The following PPP2R5C variants were observed in gnomAD, a reference collection of about 807,000 sequenced individuals.
PPP2R5C encodes the protein serine/threonine-protein phosphatase 2A 56 kDa regulatory subunit gamma isoform.
A neutral mutation model predicts 68.9 loss-of-function variants in PPP2R5C; 7 were observed. That is an observed-to-expected ratio of 0.10 (90% CI 0.06 to 0.19). The LOEUF is 0.19. Among genes scored for constraint, PPP2R5C ranks in the 10% least tolerant of loss-of-function variants. The pLI is 1.00. For synonymous variants in PPP2R5C, 210 were observed against 222.2 expected, an observed-to-expected ratio of 0.95 and a Z score of 0.49; for missense variants, 348 against 641.3, an observed-to-expected ratio of 0.54 and a Z score of 4.94.
chr14:101,865,578 C>T (rs1039035870), intron 2 of PPP2R5C, among the ~76,000 whole-genome samples: 5 of 152,166 alleles, frequency 3.3e-5, no homozygotes, highest in East Asian at 1.9e-4. Context: ...GCAGATGAAA[C>T]GGTCGGATCT....
intron 9 of PPP2R5C, among the ~76,000 whole-genome samples, chr14:101,902,112 A>G (rs941022700): frequency 2.0e-5 from 3 of 152,208 alleles, no homozygotes; most frequent in Non-Finnish European, 1.5e-5. Flanking sequence ...CACTAAGAGC[A>G]GTCATCTGGC....
intron 2 of PPP2R5C, among the ~76,000 whole-genome samples, chr14:101,863,907 A>G (rs139484087): frequency 2.0e-4 from 31 of 152,234 alleles, no homozygotes; most frequent in African/African-American, 7.0e-4. Flanking sequence ...CTCAAAAAAA[A>G]AGAAATGCAG....
intron 3 of PPP2R5C, among the ~76,000 whole-genome samples, chr14:101,799,698 C>G (rs1317436889): frequency 6.6e-6 from 1 of 152,220 alleles, no homozygotes; most frequent in Non-Finnish European, 1.5e-5. Flanking sequence ...AGGTGACAGG[C>G]TTACAGGAGA....
chr14:101,911,220 G>A (rs1404472853), intron 11 of PPP2R5C, among the ~76,000 whole-genome samples: 1 of 152,214 alleles, frequency 6.6e-6, no homozygotes, highest in African/African-American at 2.4e-5. Context: ...CTTGCAGTGA[G>A]CCAAGATCAC....
intron 10 of PPP2R5C, 131 bp from the exon 13 acceptor site, chr14:101,909,458 G>A (rs796131277): frequency 1.1e-5 from 6 of 542,526 alleles, no homozygotes; most frequent in African/African-American, 9.3e-5. Flanking sequence ...GAATGAGCAG[G>A]CCTTGCATTT....
chr14:101,887,712 T>A (rs879547080), intron 5 of PPP2R5C, among the ~76,000 whole-genome samples: 1 of 152,154 alleles, frequency 6.6e-6, no homozygotes, highest in Non-Finnish European at 1.5e-5. Context: ...ACTTCTGCCC[T>A]TTGTGTTGGT....
In PPP2R5C at chr14:101,916,117, A is replaced by G. The variant is rs2046652689; in HGVS notation, c.1327-1714A>G. Among the ~76,000 whole-genome samples the G allele has an allele frequency of 1.3e-5, 2 of 152,220 alleles. No individual in the cohort carries two copies. The highest frequency in any genetic ancestry group is 2.1e-4 in the South Asian group (1 of 4,830). On this transcript the variant is annotated intron_variant, in intron 12 of 13. Coordinates refer to ENST00000334743, the Ensembl canonical transcript of PPP2R5C. The surrounding 1 kb of genome is among the most constrained non-coding windows in gnomAD (Gnocchi z 5.5). ...GTCAGCAGATATTAAAGAGCCATAA[A>G]GGGCAAAATGGCCCAGCCCGACTTG... is the stretch of plus-strand genomic sequence containing the variant.
rs10588262 is a variant in PPP2R5C, at chr14:101,825,211, CGTGTGT to C, written c.94+15208_94+15213del. On this transcript the variant is annotated intron_variant, in intron 1 of 13. Transcript: ENST00000334743. This position sits in a 1 kb window ranked among gnomAD's most constrained non-coding sequence, Gnocchi z 4.0. ...AGGGATAGGATAAGAGGGTTTTCAG[CGTGTGT>C]GTGTGTGTGTGTGTGTGTGTGTGTG... is the stretch of plus-strand genomic sequence containing the variant. 8.9e-3 allele frequency among the ~76,000 whole-genome samples: 1,267 copies of C among 143,044 alleles called. 11 individuals carry two copies. Among genetic ancestry groups the C allele is most frequent in the East Asian group, 0.032 (155 of 4,814 alleles). The allele number at this position is 143,044 out of a possible 152,430, so 93.8% of individuals were successfully genotyped here.
intron 2 of PPP2R5C, chr14:101,765,283 G>C (rs2036793390): frequency 1.4e-6 from 1 of 702,492 alleles, no homozygotes; most frequent in Admixed American, 2.0e-5. Flanking sequence ...ACACTTGGCA[G>C]ATCACTGTGT....
intron 2 of PPP2R5C, among the ~76,000 whole-genome samples, chr14:101,784,205 C>T (rs192592059): frequency 6.6e-6 from 1 of 152,238 alleles, no homozygotes; most frequent in African/African-American, 2.4e-5. Flanking sequence ...AGTAAAGCAG[C>T]TCTTATTGCT....
intron 3 of PPP2R5C, among the ~76,000 whole-genome samples, chr14:101,793,290 G>A (rs2038447211): frequency 6.6e-6 from 1 of 152,190 alleles, no homozygotes; most frequent in African/African-American, 2.4e-5. Flanking sequence ...ACTTTTAAAT[G>A]CTTTCAATGG....
At position 101,899,207 on chromosome 14, in the gene PPP2R5C, CTG is replaced by C. The variant is rs1185786190; in HGVS notation, c.853-2508_853-2507del. Among the ~76,000 whole-genome samples, 3 of 152,226 alleles carry C rather than the reference CTG, an allele frequency of 2.0e-5. No individual in the cohort carries two copies. The highest frequency in any genetic ancestry group is 1.3e-4 in the Admixed American group (2 of 15,288). ...CATCAGAGATTTTACAGAAGTAAAA[CTG>C]TGTTCCGTTTTCACCCACCTGCCTC... On this transcript the variant is annotated intron_variant, in intron 8 of 13. Coordinates refer to ENST00000334743, the Ensembl canonical transcript of PPP2R5C. The surrounding 1 kb of genome is among the most constrained non-coding windows in gnomAD (Gnocchi z 4.2).
At chr14:101,855,586 T>G (rs1238428228) in intron 1 of PPP2R5C, among the ~76,000 whole-genome samples, 2 of 152,234 alleles carry the variant, frequency 1.3e-5, no homozygotes, top group Non-Finnish European at 2.9e-5. Flanking sequence ...TTAACACTAT[T>G]TATTCATCAT....
intron 11 of PPP2R5C, among the ~76,000 whole-genome samples, chr14:101,910,599 A>G (rs2046326558): frequency 1.3e-5 from 2 of 152,032 alleles, no homozygotes; most frequent in Non-Finnish European, 2.9e-5. Context: ...TTGGGAGGCC[A>G]AGGCGGGTGG....
intron 8 of PPP2R5C, among the ~76,000 whole-genome samples, chr14:101,895,918 G>A (rs1165817953): frequency 1.3e-5 from 2 of 152,162 alleles, no homozygotes; most frequent in East Asian, 1.9e-4. Flanking sequence ...TGACTGTCCC[G>A]TTTTACATTC....
At position 101,916,702 on chromosome 14, in the gene PPP2R5C, A is replaced by G. The variant is rs1434044470; in HGVS notation, c.1327-1129A>G. On this transcript the variant is annotated intron_variant, in intron 12 of 13. Coordinates refer to ENST00000334743, the Ensembl canonical transcript of PPP2R5C. This position sits in a 1 kb window ranked among gnomAD's most constrained non-coding sequence, Gnocchi z 5.5. ...TCTGGGCTGGCAGGGTGTGAGGGGC[A>G]GGGGTGAGGGGGCAGGGGGTGAGAG... Among the ~76,000 whole-genome samples, 130 of 20,022 alleles carry G rather than the reference A, an allele frequency of 6.5e-3. No individual in the cohort carries two copies. Among genetic ancestry groups the G allele is most frequent in the Non-Finnish European group, 9.8e-3 (108 of 11,040 alleles). The allele number at this position is 20,022 out of a possible 152,430, so 13.1% of individuals were successfully genotyped here.
Position 101,916,845 on chromosome 14 carries a change from G to A in PPP2R5C, c.1327-986G>A, listed in dbSNP as rs2046701825. ...GGAGGGGTGTGGATGAGAGCAGCCT[G>A]GGCAGGAACCCCCGCTCCCCTCTCC... On this transcript the variant is annotated intron_variant, in intron 12 of 13. Coordinates refer to ENST00000334743, the Ensembl canonical transcript of PPP2R5C. This position sits in a 1 kb window ranked among gnomAD's most constrained non-coding sequence, Gnocchi z 5.5. Among the ~76,000 whole-genome samples the A allele has an allele frequency of 6.6e-6, 1 of 152,072 alleles. No homozygotes were observed. Among genetic ancestry groups the A allele is most frequent in the Non-Finnish European group, 1.5e-5 (1 of 68,006 alleles).
At chr14:101,868,207 G>A (rs147928460) in intron 2 of PPP2R5C, among the ~76,000 whole-genome samples, 68 of 152,306 alleles carry the variant, frequency 4.5e-4, no homozygotes, top group African/African-American at 1.6e-3. Context: ...TTTATTTCAA[G>A]TGAGGATTTA....
intron 9 of PPP2R5C, among the ~76,000 whole-genome samples, chr14:101,902,603 C>T (rs541715297): frequency 6.6e-6 from 1 of 152,298 alleles, no homozygotes; most frequent in East Asian, 1.9e-4. Context: ...AGGGAGCAGG[C>T]CACACAGTGG....
Sources: gnomAD v4.1 joint callset for allele counts (sites outside exome capture counted in the v4.1 genomes callset) on GRCh38, gnomAD v4.1.1 for gene constraint, Gnocchi (gnomAD v3.1) non-coding constraint, MANE v1.5 for transcripts, NCBI Gene and HGNC (gene_info 2026-07-23, HGNC 2026-07-21) for gene names.